The following INSR variants were observed in gnomAD, a reference collection of about 807,000 sequenced individuals.
The protein encoded by INSR is insulin receptor.
INSR carries 67 observed loss-of-function variants against 142.6 expected under a neutral mutation model. That is an observed-to-expected ratio of 0.47 (90% CI 0.39 to 0.58). The LOEUF is 0.58. INSR is among the 20% of genes least tolerant of loss of function. The pLI is 0.00. For missense variants in INSR, 1,248 were observed against 1,833.2 expected (o/e 0.68, Z 5.83); for synonymous variants, 756 against 743.1 (o/e 1.02, Z -0.28).
chr19:7,281,776 T>C (rs1433341800), intron 1 of INSR, among the ~76,000 whole-genome samples: 1 of 152,160 alleles, frequency 6.6e-6, no homozygotes, highest in Non-Finnish European at 1.5e-5. Flanking sequence ...TTTGCCTGCA[T>C]TGATAAAAAG....
chr19:7,292,095 T>C (rs1968508499), intron 1 of INSR, among the ~76,000 whole-genome samples: 1 of 145,572 alleles, frequency 6.9e-6, no homozygotes, highest in Non-Finnish European at 1.5e-5. Flanking sequence ...GCCCCGCCTT[T>C]TTTTTTATTT....
rs1340018589 is a variant in INSR at position 7,278,984 on chromosome 19, C to T, written c.101-11088G>A. Among the ~76,000 whole-genome samples the T allele has an allele frequency of 3.3e-5, 5 of 151,992 alleles. 2 individuals carry two copies. The South Asian group carries it at 8.3e-4, about 25-fold the overall frequency. On this transcript the variant is annotated intron_variant, in intron 1 of 21. Coordinates refer to ENST00000302850, the MANE Select transcript of INSR (RefSeq NM_000208.4). Reference sequence around the variant, plus strand: ...TCTCTACTAAAAATACAAAAATTAGCCAGGGATGGTGGTGCACACCTGTAA... The same window carrying T: ...TCTCTACTAAAAATACAAAAATTAGTCAGGGATGGTGGTGCACACCTGTAA...
rs959219343 is a variant in INSR at position 7,112,407 on chromosome 19, G to C, written c.*4649C>G. ...GGAAAACATTGAAAAAATAATAATT[G>C]AGCTGTTGGGGGGTTTTGTGTTTCT... On this transcript the variant is annotated 3_prime_UTR_variant, in exon 22 of 22. Transcript: ENST00000302850. 2.0e-4 allele frequency: 31 copies of C among 152,150 alleles called. No individual in the cohort carries two copies. Among genetic ancestry groups the C allele is most frequent in the Admixed American group, 9.8e-4 (15 of 15,272 alleles). 9.4% of individuals were successfully genotyped at this position (152,150 alleles called of 1,614,324 possible). A position where few individuals can be genotyped will look rare whatever the true frequency, so the allele number is the denominator to read the frequency against.
chr19:7,294,246 G>A lies in INSR; in HGVS notation c.-355C>T, dbSNP rs553236282. 5.1e-3 allele frequency among the ~76,000 whole-genome samples: 777 copies of A among 151,072 alleles called. 2 individuals are homozygous for A. The highest frequency in any genetic ancestry group is 9.5e-3 in the Non-Finnish European group (642 of 67,498). On this transcript the variant is annotated 5_prime_UTR_variant, in exon 1 of 22. Coordinates refer to ENST00000302850, the MANE Select transcript of INSR (RefSeq NM_000208.4). ...GCGCGCTCTGGGTCGCGATCTGCGG[G>A]CTCCGGGACAGAGGGACGCGCGGAC...
At position 7,240,419 on chromosome 19, in the gene INSR, C is replaced by G. The variant is rs375428738; in HGVS notation, c.652+26926G>C. On this transcript the variant is annotated intron_variant, in intron 2 of 21. Coordinates refer to ENST00000302850, the MANE Select transcript of INSR (RefSeq NM_000208.4). ...CCAACATGGTGAAACCCCATCTCTA[C>G]AAAAATACATAAATTAGCCAGGCGT... Among the ~76,000 whole-genome samples the G allele has an allele frequency of 1.1e-3, 171 of 151,538 alleles. 1 individual carries two copies. Among genetic ancestry groups the G allele is most frequent in the African/African-American group, 4.0e-3 (164 of 41,294 alleles).
rs368318921 is a variant in INSR at position 7,267,791 on chromosome 19, C to T, written c.206G>A (p.Arg69Lys). ...HLQILLMFKT[R>K]PEDFRDLSFP... ...ACTGAGGTCTCGGAAATCTTCGGGC[C>T]TCGTTTTGAACATCAAGAGTATCTG... Residue 69 changes from arginine (R) to lysine (K), a missense_variant, in exon 2 of 22, where the codon AGG becomes AAG. Transcript: ENST00000302850. This position sits in a 1 kb window ranked among gnomAD's most constrained non-coding sequence, Gnocchi z 6.3. 2.5e-6 allele frequency: 4 copies of T among 1,614,150 alleles called. No individual in the cohort carries two copies. The highest frequency in any genetic ancestry group is 1.3e-5 in the African/African-American group (1 of 75,026).
chr19:7,175,478 G>A (rs1381588224), intron 3 of INSR, among the ~76,000 whole-genome samples: 2 of 152,048 alleles, frequency 1.3e-5, no homozygotes, highest in Non-Finnish European at 2.9e-5. Context: ...GATATTGAGC[G>A]GCATCCCTAG....
At chr19:7,213,640 C>G (rs765477571) in intron 2 of INSR, among the ~76,000 whole-genome samples, 3 of 152,212 alleles carry the variant, frequency 2.0e-5, no homozygotes, top group Non-Finnish European at 2.9e-5. Flanking sequence ...ACACCTTCAA[C>G]AACTCACGTC....
chr19:7,190,098 G>A (rs982363849), intron 2 of INSR, among the ~76,000 whole-genome samples: 3 of 151,980 alleles, frequency 2.0e-5, no homozygotes, highest in Admixed American at 1.3e-4. Flanking sequence ...TGTAATCCCA[G>A]CACTTTGGGA....
chr19:7,219,552 A>AG (rs1371955727), intron 2 of INSR, among the ~76,000 whole-genome samples: 1 of 93,786 alleles, frequency 1.1e-5, no homozygotes, highest in Non-Finnish European at 2.1e-5. Context: ...GAGGGAGGGA[A>AG]GGGGGAGAGA....
intron 13 of INSR, among the ~76,000 whole-genome samples, chr19:7,133,542 C>T (rs976415565): frequency 1.3e-5 from 2 of 152,290 alleles, no homozygotes; most frequent in South Asian, 4.1e-4. Context: ...TCACGTCTCT[C>T]CTTGTTTTTC....
Position 7,122,905 on chromosome 19 carries a change from G to C in INSR, c.3343C>G (p.Leu1115Val). 1 of 1,608,550 alleles carries C rather than the reference G, an allele frequency of 6.2e-7. No homozygotes were observed. Among genetic ancestry groups the C allele is most frequent in the Non-Finnish European group, 8.5e-7 (1 of 1,178,296 alleles). Residue 1115 changes from leucine (L) to valine (V), a missense_variant, in exon 18 of 22, where the codon CTC (leucine) becomes GTC (valine). By Grantham distance (32) the Leu-to-Val change is conservative. This residue lies in a region of INSR where 1,069 missense variants were observed against 1,654.0 expected (regional missense o/e 0.65). Coordinates refer to ENST00000302850, the MANE Select transcript of INSR (RefSeq NM_000208.4). Reference protein sequence around the residue: ...LMAHGDLKSYLRSLRPEAENN... With the variant: ...LMAHGDLKSYVRSLRPEAENN... The stretch of plus-strand genomic sequence containing the variant: ...TCAGCCTCTGGCCGCAGAGAACGGA[G>C]GTAGCTCTTCAGGTCTCCGTGAGCC...
At chr19:7,149,347 A>G (rs1019583454) in intron 11 of INSR, among the ~76,000 whole-genome samples, 4 of 151,640 alleles carry the variant, frequency 2.6e-5, no homozygotes, top group Non-Finnish European at 4.4e-5. Flanking sequence ...TAAATAAATA[A>G]ACACTCTGCT....
rs775123945 is a variant in INSR, at chr19:7,170,696, T to C, written c.1324A>G (p.Ser442Gly). ...NQNLRQLWDW[S>G]KHNLTITQGK... is the part of the protein sequence containing the mutation. The stretch of plus-strand genomic sequence containing the variant: ...TGAGTGATGGTGAGGTTGTGTTTGC[T>C]CCAGTCCCAGAGCTGCCTTAGGTTC... The change falls in exon 6 of 22, where the codon AGC (serine) becomes GGC (glycine). Residue 442 changes from serine (S) to glycine (G), a missense_variant. Transcript: ENST00000302850. The C allele has an allele frequency of 1.7e-5, 28 of 1,613,952 alleles. No homozygotes were observed. The East Asian group carries it at 5.8e-4, about 33-fold the overall frequency.
At chr19:7,253,720 T>A (rs1976804202) in intron 2 of INSR, among the ~76,000 whole-genome samples, 1 of 152,120 alleles carries the variant, frequency 6.6e-6, no homozygotes, top group Admixed American at 6.5e-5. Flanking sequence ...ACTCTTGACA[T>A]CATTTATGTT....
intron 11 of INSR, among the ~76,000 whole-genome samples, chr19:7,145,428 C>A (rs1973164277): frequency 6.6e-6 from 1 of 152,068 alleles, no homozygotes; most frequent in South Asian, 2.1e-4. Context: ...TATCTACAGT[C>A]TTTTTGCTTA....
intron 1 of INSR, among the ~76,000 whole-genome samples, chr19:7,280,515 C>T (rs1165067999): frequency 1.3e-5 from 2 of 151,958 alleles, no homozygotes; most frequent in Non-Finnish European, 2.9e-5. Flanking sequence ...ATCAGGAGTT[C>T]GAGACCAGCC....
At chr19:7,179,950 G>A (rs1298841562) in intron 3 of INSR, among the ~76,000 whole-genome samples, 1 of 152,138 alleles carries the variant, frequency 6.6e-6, no homozygotes, top group Non-Finnish European at 1.5e-5. Flanking sequence ...TACAAGCTGA[G>A]GCTTGAAAAG....
intron 2 of INSR, among the ~76,000 whole-genome samples, chr19:7,220,163 AC>A (rs1975569233): frequency 6.6e-6 from 1 of 152,180 alleles, no homozygotes; most frequent in African/African-American, 2.4e-5. Context: ...TATGATTCTA[AC>A]CCATGCAAAA....
Sources: allele counts gnomAD v4.1 joint callset (sites outside exome capture counted in the v4.1 genomes callset), GRCh38; gene constraint gnomAD v4.1.1; regional missense constraint gnomAD v4.1.1; non-coding constraint Gnocchi (gnomAD v3.1); transcripts MANE v1.5; gene names NCBI Gene and HGNC (gene_info 2026-07-23, HGNC 2026-07-21).